The following MON2 variants were observed in gnomAD, a reference collection of about 807,000 sequenced individuals.
MON2 encodes the protein protein MON2 homolog.
A neutral mutation model predicts 208.6 loss-of-function variants in MON2; 84 were observed. That is an observed-to-expected ratio of 0.40 (90% CI 0.34 to 0.48). The LOEUF (loss-of-function observed/expected upper bound fraction) is 0.48. Ranked by LOEUF, MON2 falls within the 20% of genes least tolerant of loss-of-function variation. The pLI is 0.59. For missense variants in MON2, 1,611 were observed against 2,015.4 expected, an observed-to-expected ratio of 0.80 and a Z score of 3.84; for synonymous variants, 660 against 694.0, an observed-to-expected ratio of 0.95 and a Z score of 0.77.
chr12:62,499,430 C>T (rs1225703894), intron 5 of MON2, among the ~76,000 whole-genome samples: 1 of 152,132 alleles, frequency 6.6e-6, no homozygotes, highest in Non-Finnish European at 1.5e-5. Flanking sequence ...TGGACACTTG[C>T]ATTCTGTTCA....
chr12:62,517,679 G>T (rs182032872), intron 8 of MON2, among the ~76,000 whole-genome samples: 1 of 152,102 alleles, frequency 6.6e-6, no homozygotes, highest in African/African-American at 2.4e-5. Context: ...ACCTGAACAC[G>T]CTAACATCTC....
At chr12:62,533,430 T>C (rs1021773837) in intron 12 of MON2, among the ~76,000 whole-genome samples, 1 of 152,356 alleles carries the variant, frequency 6.6e-6, no homozygotes, top group South Asian at 2.1e-4. Flanking sequence ...TATTCACTTA[T>C]ATTAGTGTAG....
At chr12:62,503,948 C>A (rs1217251882) in intron 7 of MON2, among the ~76,000 whole-genome samples, 1 of 150,932 alleles carries the variant, frequency 6.6e-6, no homozygotes, top group Non-Finnish European at 1.5e-5. Context: ...CACTTATCAC[C>A]TCCTGCCTGA....
chr12:62,511,068 C>T (rs2071370940), intron 8 of MON2, among the ~76,000 whole-genome samples: 1 of 152,036 alleles, frequency 6.6e-6, no homozygotes, highest in African/African-American at 2.4e-5. Flanking sequence ...GGTGAAAGAC[C>T]TATGCACTGG....
intron 2 of MON2, among the ~76,000 whole-genome samples, chr12:62,492,160 T>G (rs1461284604): frequency 6.6e-6 from 1 of 152,178 alleles, no homozygotes; most frequent in Non-Finnish European, 1.5e-5. Flanking sequence ...AGTTGTAGTC[T>G]TAATTTACCA....
intron 32 of MON2, among the ~76,000 whole-genome samples, chr12:62,584,659 C>T (rs941639437): frequency 5.8e-5 from 8 of 138,542 alleles, no homozygotes; most frequent in Non-Finnish European, 9.1e-5. Context: ...GCCAAGATTA[C>T]ACCACTGCAC....
chr12:62,578,409 T>C (rs1262556084), intron 30 of MON2, 36 bp from the exon 31 acceptor site: 1 of 1,289,054 alleles, frequency 7.8e-7, no homozygotes, highest in Admixed American at 2.4e-5. Context: ...GCAGGGAATA[T>C]TTTATCTTTA....
In MON2 at chr12:62,565,294, T is replaced by C. The variant is rs1341871018; in HGVS notation, c.4090T>C (p.Leu1364=). The C allele has an allele frequency of 1.2e-6, 2 of 1,613,074 alleles. No homozygotes were observed. The highest frequency in any genetic ancestry group is 3.3e-5 in the Admixed American group (2 of 59,972). ...AATGTATCCAGCTATATTTGACCAG[T>C]TGTTGGCATTTGTAGAATTTTCCTG... ...QIMYPAIFDQ[L]LAFVEFSCKP... The change falls in exon 27 of 35, where the codon TTG becomes CTG. Residue 1364 remains leucine, a synonymous_variant. Transcript: ENST00000393630.
chr12:62,473,812 C>T (rs2068919871), intron 1 of MON2, among the ~76,000 whole-genome samples: 1 of 152,134 alleles, frequency 6.6e-6, no homozygotes, highest in South Asian at 2.1e-4. Context: ...CTCAAGCAAT[C>T]CACCTGCCTC....
intron 1 of MON2, among the ~76,000 whole-genome samples, chr12:62,468,251 G>A (rs934884946): frequency 4.6e-5 from 7 of 151,774 alleles, no homozygotes; most frequent in African/African-American, 1.7e-4. Flanking sequence ...GGTCAGGCGG[G>A]TCTCGAACTC....
At chr12:62,534,181 A>G (rs1057211765) in intron 12 of MON2, among the ~76,000 whole-genome samples, 2 of 151,864 alleles carry the variant, frequency 1.3e-5, no homozygotes, top group African/African-American at 4.8e-5. Flanking sequence ...GCTTGTGCCC[A>G]GGAGTTTGAG....
rs1393827686 is a variant in MON2, at chr12:62,560,495, T to C, written c.3414T>C (p.Asp1138=). The part of the protein sequence containing the change: ...TRRYLLQPLG[D]FSRAWDVLLD... ...TTTTTTCTCTTCCTAATATAGGAGA[T>C]TTTTCAAGAGCTTGGGATGTTCTTC... The change falls in exon 26 of 35, where the codon GAT becomes GAC. Residue 1138 remains aspartate (D), a synonymous_variant. Transcript: ENST00000393630. The C allele has an allele frequency of 5.0e-6, 8 of 1,592,868 alleles. No individual in the cohort carries two copies. The highest frequency in any genetic ancestry group is 6.0e-6 in the Non-Finnish European group (7 of 1,174,208).
At chr12:62,579,245 GA>G (rs994283894) in intron 31 of MON2, among the ~76,000 whole-genome samples, 18 of 142,820 alleles carry the variant, frequency 1.3e-4, no homozygotes, top group East Asian at 2.0e-4. Flanking sequence ...CCCTGTCTCT[GA>G]AAAAAAAAAG....
In MON2 at chr12:62,547,022, T is replaced by C; in HGVS notation, c.2703T>C (p.Pro901=). The C allele has an allele frequency of 6.2e-7, 1 of 1,607,408 alleles. No individual in the cohort carries two copies. Among genetic ancestry groups the C allele is most frequent in the South Asian group, 1.1e-5 (1 of 90,160 alleles). The change falls in exon 22 of 35, where the codon CCT becomes CCC. Residue 901 remains proline, a synonymous_variant. Transcript: ENST00000393630. ...ILQSQGDSLG[P]GWPLVLGVMG... ...AGAGTCAGGGAGACAGTCTTGGGCCTGGATGGCCATTAGTGCTTGGAGTCA... is the reference window on the plus strand; with the variant it reads ...AGAGTCAGGGAGACAGTCTTGGGCCCGGATGGCCATTAGTGCTTGGAGTCA...
chr12:62,514,604 A>G (rs1467172868), intron 8 of MON2, among the ~76,000 whole-genome samples: 1 of 152,172 alleles, frequency 6.6e-6, no homozygotes, highest in Non-Finnish European at 1.5e-5. Flanking sequence ...TGTCCCCATG[A>G]TTCAATTACC....
At chr12:62,570,018 C>T (rs895481481) in intron 29 of MON2, among the ~76,000 whole-genome samples, 1 of 152,062 alleles carries the variant, frequency 6.6e-6, no homozygotes, top group Non-Finnish European at 1.5e-5. Context: ...ATGCAAATTG[C>T]CTGACAGTAT....
chr12:62,523,394 A>G (rs2072165643), intron 8 of MON2, among the ~76,000 whole-genome samples: 1 of 152,190 alleles, frequency 6.6e-6, no homozygotes, highest in Admixed American at 6.5e-5. Flanking sequence ...GTTGCTGGAT[A>G]AAGAAGTTGA....
intron 26 of MON2, among the ~76,000 whole-genome samples, chr12:62,561,677 A>G (rs1370777297): frequency 6.6e-6 from 1 of 152,192 alleles, no homozygotes; most frequent in African/African-American, 2.4e-5. Context: ...AGGCTAGATC[A>G]AATTCAAAGT....
chr12:62,549,158 G>A (rs1439904176), intron 22 of MON2, among the ~76,000 whole-genome samples: 1 of 151,870 alleles, frequency 6.6e-6, no homozygotes, highest in East Asian at 1.9e-4. Flanking sequence ...TTGCCTGTAA[G>A]CTTCTTTCTT....
Sources: gnomAD v4.1 joint callset for allele counts (sites outside exome capture counted in the v4.1 genomes callset) on GRCh38, gnomAD v4.1.1 for gene constraint, MANE v1.5 for transcripts, NCBI Gene and HGNC (gene_info 2026-07-23, HGNC 2026-07-21) for gene names.